Variants in ITIH5 observed in about 807,000 individuals in gnomAD.
ITIH5 encodes the protein inter-alpha-trypsin inhibitor heavy chain H5.
Under a neutral mutation model 77.5 loss-of-function variants are expected in ITIH5, and 65 were observed. That is an observed-to-expected ratio of 0.84 (90% CI 0.69 to 1.03). The LOEUF is 1.03. ITIH5 is among the 50% of genes least tolerant of loss of function. The probability of loss-of-function intolerance (pLI) is 0.00; values close to 1 mark genes in which losing one functional copy is unlikely to be tolerated. For synonymous variants in ITIH5, 525 were observed against 494.3 expected, an observed-to-expected ratio of 1.06 and a Z score of -0.82; for missense variants, 1,208 against 1,213.1, an observed-to-expected ratio of 1.00 and a Z score of 0.06.
At position 7,666,846 on chromosome 10, in the gene ITIH5, C is replaced by T. The variant is rs1315844022; in HGVS notation, c.47G>A (p.Gly16Glu). 5.6e-6 allele frequency: 9 copies of T among 1,609,298 alleles called. No homozygotes were observed. In the East Asian group the frequency reaches 6.7e-5, roughly 12 times the overall value. Residue 16 changes from glycine (G) to glutamate (E), a missense_variant, in exon 1 of 14, where the codon GGG becomes GAG. By Grantham distance (98) the Gly-to-Glu change is moderately conservative (BLOSUM62 -2). Coordinates refer to ENST00000397146, the MANE Select transcript of ITIH5 (RefSeq NM_030569.7). The stretch of plus-strand genomic sequence containing the variant: ...CCAGCTCTGCGCCTCTTCCTGCGAC[C>T]CCACACACAGGGACAGCCCCAGGCA... Reference protein sequence around the residue: ...GLCLGLSLCVGSQEEAQSWGH... With the variant: ...GLCLGLSLCVESQEEAQSWGH...
chr10:7,631,223 G>A (rs966546933), intron 5 of ITIH5, among the ~76,000 whole-genome samples: 1 of 152,118 alleles, frequency 6.6e-6, no homozygotes, highest in Non-Finnish European at 1.5e-5. Flanking sequence ...ATTGGCATGG[G>A]TGAGGCTTAA....
intron 7 of ITIH5, among the ~76,000 whole-genome samples, chr10:7,587,857 T>G (rs1454326733): frequency 6.6e-6 from 1 of 152,166 alleles, no homozygotes. Context: ...TCATGACTCT[T>G]TGCCTTTCCT....
intron 1 of ITIH5, among the ~76,000 whole-genome samples, chr10:7,661,346 A>G (rs987640019): frequency 1.3e-5 from 2 of 152,120 alleles, no homozygotes; most frequent in East Asian, 1.9e-4. Context: ...GAATTTATCT[A>G]CCACCTGGCC....
Position 7,576,706 on chromosome 10 carries a change from A to T in ITIH5, c.1725T>A (p.Arg575=). 6.2e-7 allele frequency: 1 copy of T among 1,613,696 alleles called. No homozygotes were observed. The highest frequency in any genetic ancestry group is 8.5e-7 in the Non-Finnish European group (1 of 1,179,938). ...DGEGDTNHIE[R]LWSYLTTKEL... ...CCTTTGTGGTGAGGTAGCTCCAGAG[A>T]CGCTCGATGTGGTTGGTGTCCCCCT... Residue 575 remains arginine, a synonymous_variant, in exon 10 of 14, where the codon CGT becomes CGA. Transcript: ENST00000397146.
intron 5 of ITIH5, among the ~76,000 whole-genome samples, chr10:7,626,185 C>T (rs1833575442): frequency 1.3e-5 from 2 of 152,164 alleles, no homozygotes. Flanking sequence ...ACAACATCCA[C>T]CTCCCACAGC....
chr10:7,593,266 C>G (rs1309158132), intron 7 of ITIH5, among the ~76,000 whole-genome samples: 1 of 152,056 alleles, frequency 6.6e-6, no homozygotes, highest in Non-Finnish European at 1.5e-5. Context: ...CCCGGTGGCT[C>G]CATTCCCACT....
At chr10:7,633,275 C>G (rs1043936071) in intron 5 of ITIH5, among the ~76,000 whole-genome samples, 2 of 152,042 alleles carry the variant, frequency 1.3e-5, no homozygotes, top group African/African-American at 2.4e-5. Flanking sequence ...TTTTAATAAA[C>G]AGAAATTATA....
chr10:7,647,813 T>G (rs1167584200), intron 2 of ITIH5, among the ~76,000 whole-genome samples: 2 of 152,090 alleles, frequency 1.3e-5, no homozygotes, highest in Non-Finnish European at 1.5e-5. Context: ...AAAAAGAGCT[T>G]CTTAAATATA....
chr10:7,587,336 A>G (rs1033997369), intron 7 of ITIH5, among the ~76,000 whole-genome samples: 3 of 152,212 alleles, frequency 2.0e-5, no homozygotes, highest in Admixed American at 2.0e-4. Flanking sequence ...ACTGTGAGCA[A>G]ACTCTGTCTT....
At chr10:7,589,000 G>A (rs80048854) in intron 7 of ITIH5, among the ~76,000 whole-genome samples, 1,950 of 152,348 alleles carry the variant, frequency 0.013, 41 homozygotes, top group African/African-American at 0.044. Context: ...GCCCCAGGAC[G>A]GCTGGAGCCG....
chr10:7,571,206 G>A (rs897026922), intron 11 of ITIH5, among the ~76,000 whole-genome samples: 7 of 152,008 alleles, frequency 4.6e-5, no homozygotes, highest in African/African-American at 1.7e-4. Context: ...GGGAAAAACT[G>A]ACCCCCAGAG....
At chr10:7,651,181 C>G (rs1485899284) in intron 2 of ITIH5, among the ~76,000 whole-genome samples, 1 of 148,402 alleles carries the variant, frequency 6.7e-6, no homozygotes, top group Non-Finnish European at 1.5e-5. Context: ...ACCGTCCCTC[C>G]CAGGGCTGGC....
intron 7 of ITIH5, among the ~76,000 whole-genome samples, chr10:7,608,333 G>A (rs1833173245): frequency 6.6e-6 from 1 of 152,222 alleles, no homozygotes; most frequent in Admixed American, 6.5e-5. Context: ...AGGCTGGAGT[G>A]CAATGGCGCC....
Position 7,582,913 on chromosome 10 carries a change from G to A in ITIH5, c.1109-2849C>T, listed in dbSNP as rs558145895. 1.6e-4 allele frequency among the ~76,000 whole-genome samples: 25 copies of A among 152,202 alleles called. No homozygotes were observed. The South Asian group carries it at 1.7e-3, about 10-fold the overall frequency. ...AAAAGAAGTTAGAAAGAATGAAGAC[G>A]ATCTAGTACTTGGTAGTGCAACAGG... is the stretch of plus-strand genomic sequence containing the variant. On this transcript the variant is annotated intron_variant, in intron 8 of 13. Transcript: ENST00000397146.
At chr10:7,620,956 CCAG>C (rs1485917726) in intron 5 of ITIH5, 1 of 152,036 alleles carries the variant, frequency 6.6e-6, no homozygotes, top group Admixed American at 6.5e-5. Context: ...TGATCTTGAA[CCAG>C]CAGCATCAGC....
chr10:7,622,790 T>G (rs1439265853), intron 5 of ITIH5, among the ~76,000 whole-genome samples: 1 of 152,204 alleles, frequency 6.6e-6, no homozygotes. Flanking sequence ...ATACACAGAA[T>G]TTTGCACGTA....
rs117631278 is a variant in ITIH5, at chr10:7,613,710, T to G, written c.939+2272A>C. ...GAGAGAAGATGCAAATTTTAAGAGGTGAGCTCAGCATTTGGGACCACTTGT... is the reference window on the plus strand; with the variant it reads ...GAGAGAAGATGCAAATTTTAAGAGGGGAGCTCAGCATTTGGGACCACTTGT... On this transcript the variant is annotated intron_variant, in intron 7 of 13. Coordinates refer to ENST00000397146, the MANE Select transcript of ITIH5 (RefSeq NM_030569.7). 7.4e-3 allele frequency among the ~76,000 whole-genome samples: 1,129 copies of G among 151,914 alleles called. 7 individuals are homozygous for G. Among genetic ancestry groups the G allele is most frequent in the Admixed American group, 0.012 (186 of 15,264 alleles).
chr10:7,599,448 A>G (rs1832971382), intron 7 of ITIH5, among the ~76,000 whole-genome samples: 1 of 152,306 alleles, frequency 6.6e-6, no homozygotes, highest in Non-Finnish European at 1.5e-5. Flanking sequence ...TGATAAAATG[A>G]TTGAGTTCTT....
At chr10:7,608,454 T>A (rs1487618245) in intron 7 of ITIH5, among the ~76,000 whole-genome samples, 1 of 152,082 alleles carries the variant, frequency 6.6e-6, no homozygotes, top group African/African-American at 2.4e-5. Context: ...TAATTTTGTT[T>A]ATCTTTTTGG....
Sources: gnomAD v4.1 joint callset for allele counts (sites outside exome capture counted in the v4.1 genomes callset) on GRCh38, gnomAD v4.1.1 for gene constraint, MANE v1.5 for transcripts, NCBI Gene and HGNC (gene_info 2026-07-23, HGNC 2026-07-21) for gene names.